RFX4: variants seen among roughly 807,000 people sequenced by gnomAD.
RFX4 encodes regulatory factor X4.
In RFX4, 10 loss-of-function variants were observed where a neutral mutation model predicts 95.0. The observed-to-expected ratio is 0.11, with a 90% CI of 0.06 to 0.18. The LOEUF is 0.18. Ranked by LOEUF, RFX4 falls within the 10% of genes least tolerant of loss-of-function variation. The pLI, the probability that RFX4 is intolerant of heterozygous loss-of-function variation, is 1.00. For missense variants in RFX4, 640 were observed against 922.0 expected (o/e 0.69, Z 3.96); for synonymous variants, 321 against 340.7 (o/e 0.94, Z 0.64).
intron 3 of RFX4, among the ~76,000 whole-genome samples, chr12:106,641,951 CTATCTATATCTATATCTATCTA>C (rs1300655956): frequency 2.8e-5 from 4 of 144,674 alleles, no homozygotes; most frequent in African/African-American, 5.3e-5. Flanking sequence ...ATGTCTATAT[CTATCTATATCTATATCTATCTA>C]TATCTATATC....
At chr12:106,747,197 A>G (rs1421693794) in intron 15 of RFX4, among the ~76,000 whole-genome samples, 1 of 152,148 alleles carries the variant, frequency 6.6e-6, no homozygotes, top group Non-Finnish European at 1.5e-5. Context: ...AGCACGTGCA[A>G]AGGCCCTGAG....
chr12:106,652,158 T>A (rs2040867735), intron 3 of RFX4, among the ~76,000 whole-genome samples: 1 of 152,222 alleles, frequency 6.6e-6, no homozygotes, highest in Admixed American at 6.5e-5. Flanking sequence ...CAATTTATGA[T>A]GTCAAAGACA....
intron 1 of RFX4, among the ~76,000 whole-genome samples, chr12:106,599,859 T>A (rs896212121): frequency 1.3e-5 from 2 of 152,092 alleles, no homozygotes; most frequent in African/African-American, 4.8e-5. Flanking sequence ...TTAATAATAT[T>A]GCTTTTCAAT....
At chr12:106,616,404 A>G (rs1179582582) in intron 2 of RFX4, among the ~76,000 whole-genome samples, 5 of 152,128 alleles carry the variant, frequency 3.3e-5, no homozygotes, top group Non-Finnish European at 7.4e-5. Flanking sequence ...ATCTATGTTC[A>G]TGAGATTTGT....
Position 106,711,620 on chromosome 12 carries a change from T to C in RFX4, c.993+109T>C, listed in dbSNP as rs1281008195. On this transcript the variant is annotated intron_variant, in intron 10 of 17. Transcript: ENST00000392842. ...GATCTTTCAGGTTAACAGGGCACTC[T>C]CTCTATTATTTTTTAATTTCTACAG... is the stretch of plus-strand genomic sequence containing the variant. 6.1e-6 allele frequency: 5 copies of C among 823,180 alleles called. No homozygotes were observed. The East Asian group carries it at 1.3e-4, about 21-fold the overall frequency. 51.0% of individuals were successfully genotyped at this position (823,180 alleles called of 1,614,324 possible). A position where few individuals can be genotyped will look rare whatever the true frequency, so the allele number is the denominator to read the frequency against.
chr12:106,705,207 G>A (rs140726401), intron 8 of RFX4, among the ~76,000 whole-genome samples: 1 of 152,360 alleles, frequency 6.6e-6, no homozygotes, highest in Non-Finnish European at 1.5e-5. Flanking sequence ...GAAGTGTTCA[G>A]TAGCTTGGCA....
At chr12:106,750,982 T>A (rs1040288812) in intron 17 of RFX4, among the ~76,000 whole-genome samples, 189 bp downstream of exon 17, 1 of 151,808 alleles carries the variant, frequency 6.6e-6, no homozygotes, top group Non-Finnish European at 1.5e-5. Context: ...CATGTGCACA[T>A]TGTGCAGGTT....
chr12:106,703,925 G>T (rs190632524), intron 8 of RFX4, among the ~76,000 whole-genome samples: 1 of 152,120 alleles, frequency 6.6e-6, no homozygotes, highest in Non-Finnish European at 1.5e-5. Flanking sequence ...AATTAGCTGG[G>T]CGTGGTGGCA....
intron 5 of RFX4, 180 bp downstream of exon 5, chr12:106,682,234 GGTTGTCCAAAAGCCCA>G: frequency 1.6e-6 from 1 of 608,240 alleles, no homozygotes; most frequent in Non-Finnish European, 2.9e-6. Context: ...CTGAAAGAGA[GGTTGTCCAAAAGCCCA>G]AGACGAGTTG....
chr12:106,668,982 T>A (rs960160983), intron 4 of RFX4, among the ~76,000 whole-genome samples: 2 of 152,208 alleles, frequency 1.3e-5, no homozygotes, highest in African/African-American at 2.4e-5. Context: ...CCTTCTGAAA[T>A]AAAGGCTTAA....
At chr12:106,662,771 T>C (rs1592910993) in intron 4 of RFX4, among the ~76,000 whole-genome samples, 1 of 152,172 alleles carries the variant, frequency 6.6e-6, no homozygotes, top group African/African-American at 2.4e-5. Flanking sequence ...TTCACTTTTT[T>C]TGCATGTGTA....
chr12:106,698,524 G>T (rs957165324), intron 8 of RFX4, among the ~76,000 whole-genome samples: 3 of 152,092 alleles, frequency 2.0e-5, no homozygotes, highest in African/African-American at 7.2e-5. Context: ...AAAATATGTT[G>T]CTAGATCTGA....
intron 4 of RFX4, among the ~76,000 whole-genome samples, chr12:106,676,402 G>T (rs774746202): frequency 6.6e-6 from 1 of 152,202 alleles, no homozygotes; most frequent in South Asian, 2.1e-4. Context: ...AAAGAGTGGT[G>T]TCTGAGTTTC....
At chr12:106,734,977 G>A (rs957944904) in intron 15 of RFX4, among the ~76,000 whole-genome samples, 14 of 149,970 alleles carry the variant, frequency 9.3e-5, no homozygotes, top group African/African-American at 2.5e-4. Flanking sequence ...TCATTTGATC[G>A]TAGGAGTTCG....
chr12:106,715,522 G>C lies in RFX4; in HGVS notation c.1116G>C (p.Glu372Asp), dbSNP rs747454741. 3.7e-6 allele frequency: 6 copies of C among 1,614,172 alleles called. No individual in the cohort carries two copies. In the South Asian group the frequency reaches 5.5e-5, roughly 15 times the overall value. ...ACACCATGGAAGACTCTCGCGATGA[G>C]CACCGGAAACTCATCACCCAATGTA... ...TLYTMEDSRD[E>D]HRKLITQLYQ... is the part of the protein sequence containing the mutation. Residue 372 changes from glutamate (E) to aspartate (D), a missense_variant, in exon 11 of 18, where the codon GAG (glutamate) becomes GAC (aspartate). This residue lies in a region of RFX4 where 72 missense variants were observed against 80.5 expected (regional missense o/e 0.89). Transcript: ENST00000392842.
chr12:106,683,466 G>GAAAAAAAAAAAAAAAAAA (rs149587196), intron 5 of RFX4: 2 of 50,816 alleles, frequency 3.9e-5, no homozygotes, highest in African/African-American at 7.7e-5. Context: ...TGACTATTCT[G>GAAAAAAAAAAAAAAAAAA]AAAAAAAAAA....
intron 11 of RFX4, among the ~76,000 whole-genome samples, chr12:106,716,155 T>C (rs893221009): frequency 4.6e-5 from 7 of 152,258 alleles, no homozygotes; most frequent in South Asian, 4.2e-4. Context: ...AACAACATCA[T>C]TGTTAGCACA....
At chr12:106,606,223 T>A (rs1592842659) in intron 1 of RFX4, among the ~76,000 whole-genome samples, 1 of 151,834 alleles carries the variant, frequency 6.6e-6, no homozygotes, top group East Asian at 1.9e-4. Context: ...AGAGGGAGAG[T>A]GTTTCCCTTA....
At chr12:106,709,479 G>A (rs756958240) in intron 9 of RFX4, 49 bp downstream of exon 9, 1 of 1,431,154 alleles carries the variant, frequency 7.0e-7, no homozygotes. Context: ...ACATTTTAGT[G>A]CCAAATATTT....
Sources: gnomAD v4.1 joint callset for allele counts (sites outside exome capture counted in the v4.1 genomes callset) on GRCh38, gnomAD v4.1.1 for gene constraint, gnomAD v4.1.1 regional missense constraint, MANE v1.5 for transcripts, NCBI Gene and HGNC (gene_info 2026-07-23, HGNC 2026-07-21) for gene names.